RAC3: variants seen among roughly 807,000 people sequenced by gnomAD.
The protein encoded by RAC3 is ras-related C3 botulinum toxin substrate 3.
RAC3 carries 9 observed loss-of-function variants against 19.0 expected under a neutral mutation model. The ratio of observed to expected loss-of-function variants is 0.47; its 90% CI spans 0.29 to 0.83. The LOEUF (loss-of-function observed/expected upper bound fraction) is 0.83. Among genes scored for constraint, RAC3 ranks in the 40% least tolerant of loss-of-function variants. RAC3 has a pLI of 0.09. For synonymous variants in RAC3, 146 were observed against 111.8 expected (o/e 1.31, Z -1.93); for missense variants, 203 against 260.8 (o/e 0.78, Z 1.53).
chr17:82,032,633 C>G, intron 2 of RAC3, 78 bp from the exon 3 acceptor site: 1 of 1,486,032 alleles, frequency 6.7e-7, no homozygotes, highest in Non-Finnish European at 9.4e-7. Flanking sequence ...GACTTGTGAA[C>G]CCCAAGACAC....
chr17:82,031,819 G>A (rs1278296475), intron 1 of RAC3, 23 bp downstream of exon 1: 11 of 967,636 alleles, frequency 1.1e-5, no homozygotes, highest in Non-Finnish European at 1.4e-5. Flanking sequence ...CCCGGAGGCC[G>A]CTTGGCTGGG....
chr17:82,031,907 G>A (rs1466339610), intron 1 of RAC3, 111 bp downstream of exon 1: 2 of 504,158 alleles, frequency 4.0e-6, no homozygotes, highest in Non-Finnish European at 4.9e-6. Context: ...TCGCGAGGCG[G>A]CCCCGCCGTA....
intron 1 of RAC3, 28 bp from the exon 2 acceptor site, chr17:82,032,359 G>A: frequency 6.2e-7 from 1 of 1,611,354 alleles, no homozygotes. Context: ...GCCGGGCCCG[G>A]GAGCCACGTG....
rs1568019126 is a variant in RAC3 at position 82,033,056 on chromosome 17, A to ACCTGCC, written c.288+50_288+55dup. On this transcript the variant is annotated intron_variant, in intron 4 of 5. Transcript: ENST00000306897. This position sits in a 1 kb window ranked among gnomAD's most constrained non-coding sequence, Gnocchi z 6.2. ...CTGTGGGGAGAGGGCTTGCCCCAGT[A>ACCTGCC]CCTGCCCCGACAAGTTGTCCTTTAG... The ACCTGCC allele has an allele frequency of 1.3e-6, 2 of 1,552,858 alleles. No individual in the cohort carries two copies. The highest frequency in any genetic ancestry group is 2.2e-5 in the South Asian group (2 of 89,774).
chr17:82,033,474 C>A lies in RAC3; in HGVS notation c.323C>A (p.Thr108Lys), dbSNP rs765128571. The change falls in exon 5 of 6, where the codon ACG (threonine) becomes AAG (lysine). Residue 108 changes from threonine to lysine, a missense_variant. Transcript: ENST00000306897. This position sits in a 1 kb window ranked among gnomAD's most constrained non-coding sequence, Gnocchi z 6.2. ...YPEVRHHCPHTPILLVGTKLD... is the reference protein window; with the variant it reads ...YPEVRHHCPHKPILLVGTKLD... ...GAGGTGCGGCACCACTGCCCCCACA[C>A]GCCCATCCTCCTGGTGGGCACCAAG... The A allele has an allele frequency of 6.2e-7, 1 of 1,611,688 alleles. No homozygotes were observed. Among genetic ancestry groups the A allele is most frequent in the Non-Finnish European group, 8.5e-7 (1 of 1,179,232 alleles).
chr17:82,033,929 G>A lies in RAC3; in HGVS notation c.*100G>A, dbSNP rs981475361. 38 of 1,448,816 alleles carry A rather than the reference G, an allele frequency of 2.6e-5. No homozygotes were observed. The highest frequency in any genetic ancestry group is 3.2e-5 in the Non-Finnish European group (35 of 1,084,616). The allele number at this position is 1,448,816 out of a possible 1,614,324, so 89.7% of individuals were successfully genotyped here. A position where few individuals can be genotyped will look rare whatever the true frequency, so the allele number is the denominator to read the frequency against. ...GGTGTCCCTGAGTCGGCTGTGGGGA[G>A]CGGTGGGGGTGGGCCGGGGGGAAGC... On this transcript the variant is annotated 3_prime_UTR_variant, in exon 6 of 6. Transcript: ENST00000306897. This position sits in a 1 kb window ranked among gnomAD's most constrained non-coding sequence, Gnocchi z 6.2.
chr17:82,031,925 C>A (rs1472069671), intron 1 of RAC3, 129 bp downstream of exon 1: 2 of 228,390 alleles, frequency 8.8e-6, no homozygotes, highest in African/African-American at 2.7e-5. Context: ...GTACCCCGCC[C>A]GAGCCGCGTG....
Position 82,033,091 on chromosome 17 carries a change from C to A in RAC3, c.288+82C>A. On this transcript the variant is annotated intron_variant, in intron 4 of 5. Transcript: ENST00000306897. This position sits in a 1 kb window ranked among gnomAD's most constrained non-coding sequence, Gnocchi z 6.2. ...ACAAGTTGTCCTTTAGAGGCAATTG[C>A]GATACGGGTTCTGCCTGGGGTAGGC... 1.5e-6 allele frequency: 2 copies of A among 1,310,956 alleles called. No individual in the cohort carries two copies. The highest frequency in any genetic ancestry group is 2.4e-5 in the South Asian group (2 of 83,054). 81.2% of individuals were successfully genotyped at this position (1,310,956 alleles called of 1,614,324 possible).
chr17:82,033,289 C>A lies in RAC3; in HGVS notation c.289-151C>A. ...CTGCGTGTTTGTTCCTGGTATCTCC[C>A]CACCAAATCCGCCCCTGGTCACCCC... is the stretch of plus-strand genomic sequence containing the variant. On this transcript the variant is annotated intron_variant, in intron 4 of 5. Coordinates refer to ENST00000306897, the MANE Select transcript of RAC3 (RefSeq NM_005052.3). This position sits in a 1 kb window ranked among gnomAD's most constrained non-coding sequence, Gnocchi z 6.2. 1 of 1,017,038 alleles carries A rather than the reference C, an allele frequency of 9.8e-7. No homozygotes were observed. The highest frequency in any genetic ancestry group is 1.4e-6 in the Non-Finnish European group (1 of 717,316). 63.0% of individuals were successfully genotyped at this position (1,017,038 alleles called of 1,614,324 possible). A position where few individuals can be genotyped will look rare whatever the true frequency, so the allele number is the denominator to read the frequency against.
intron 1 of RAC3, 185 bp from the exon 2 acceptor site, chr17:82,032,202 C>T (rs545248662): frequency 9.8e-6 from 6 of 609,260 alleles, no homozygotes; most frequent in East Asian, 8.4e-5. Flanking sequence ...ACCACCCCAG[C>T]CCCCGGAGCC....
chr17:82,033,118 C>A lies in RAC3; in HGVS notation c.288+109C>A. ...ATACGGGTTCTGCCTGGGGTAGGCA[C>A]ACGGAGTGGGGTCTGAAGATGACCA... On this transcript the variant is annotated intron_variant, in intron 4 of 5. Coordinates refer to ENST00000306897, the MANE Select transcript of RAC3 (RefSeq NM_005052.3). The surrounding 1 kb of genome is among the most constrained non-coding windows in gnomAD (Gnocchi z 6.2). The A allele has an allele frequency of 8.0e-7, 1 of 1,254,632 alleles. No homozygotes were observed. The highest frequency in any genetic ancestry group is 1.1e-6 in the Non-Finnish European group (1 of 873,930). 77.7% of individuals were successfully genotyped at this position (1,254,632 alleles called of 1,614,324 possible).
At position 82,031,727 on chromosome 17, in the gene RAC3, T is replaced by C; in HGVS notation, c.-35T>C. ...GCCGGGCATTTCTCCGCAGCTCGGC[T>C]CGCGGCCGCGCCCGCCGCCGCCCGG... On this transcript the variant is annotated 5_prime_UTR_variant, in exon 1 of 6. Transcript: ENST00000306897. 1.0e-6 allele frequency: 1 copy of C among 984,814 alleles called. No homozygotes were observed. The highest frequency in any genetic ancestry group is 1.2e-6 in the Non-Finnish European group (1 of 831,520). 61.0% of individuals were successfully genotyped at this position (984,814 alleles called of 1,614,324 possible).
chr17:82,031,945 G>T (rs1179581478), intron 1 of RAC3, 149 bp downstream of exon 1: 1 of 178,942 alleles, frequency 5.6e-6, no homozygotes, highest in East Asian at 1.9e-4. Flanking sequence ...GCGCCCCGGG[G>T]TCGAGGAGGG....
chr17:82,034,034 C>A lies in RAC3; in HGVS notation c.*205C>A. On this transcript the variant is annotated 3_prime_UTR_variant, in exon 6 of 6. Transcript: ENST00000306897. ...GTGTGGCTCCAGCCTTCCCTGGCCC[C>A]CGCCGGAGGCCGGGAGGGAGCAGGG... is the stretch of plus-strand genomic sequence containing the variant. 1 of 555,856 alleles carries A rather than the reference C, an allele frequency of 1.8e-6. No homozygotes were observed. 34.4% of individuals were successfully genotyped at this position (555,856 alleles called of 1,614,324 possible). A position where few individuals can be genotyped will look rare whatever the true frequency, so the allele number is the denominator to read the frequency against.
At position 82,034,202 on chromosome 17, in the gene RAC3, A is replaced by G. The variant is rs151163772; in HGVS notation, c.*373A>G. 492 of 187,554 alleles carry G rather than the reference A, an allele frequency of 2.6e-3. 2 individuals are homozygous for G. The highest frequency in any genetic ancestry group is 0.011 in the African/African-American group (462 of 42,262). 11.6% of individuals were successfully genotyped at this position (187,554 alleles called of 1,614,324 possible). The stretch of plus-strand genomic sequence containing the variant: ...TTTATACAATAAACATTCTCCACCT[A>G]CACCTCTTGCCTCTCACTACCTGCC... On this transcript the variant is annotated 3_prime_UTR_variant, in exon 6 of 6. Transcript: ENST00000306897.
Position 82,032,928 on chromosome 17 carries a change from G to T in RAC3, c.226-19G>T. Reference sequence around the variant, plus strand: ...GGGGAGCCCCTGACCACTCCACCAGGTCCCACCTTTTTCCCAAGGACGTCT... The same window carrying T: ...GGGGAGCCCCTGACCACTCCACCAGTTCCCACCTTTTTCCCAAGGACGTCT... On this transcript the variant is annotated intron_variant, in intron 3 of 5. Transcript: ENST00000306897. The T allele has an allele frequency of 2.5e-6, 4 of 1,613,322 alleles. No homozygotes were observed. Among genetic ancestry groups the T allele is most frequent in the Non-Finnish European group, 2.5e-6 (3 of 1,179,668 alleles).
rs2043456019 is a variant in RAC3, at chr17:82,033,748, G to C, written c.498G>C (p.Lys166Asn). The part of the protein sequence containing the change: ...ECSALTQRGL[K>N]TVFDEAIRAV... ...CAGCCCTGACCCAGCGGGGCCTGAAGACAGTGTTTGACGAGGCGATCCGCG... is the reference window on the plus strand; with the variant it reads ...CAGCCCTGACCCAGCGGGGCCTGAACACAGTGTTTGACGAGGCGATCCGCG... The change falls in exon 6 of 6, where the codon AAG becomes AAC. Residue 166 changes from lysine (K) to asparagine (N), a missense_variant. Lys to Asn is a moderately conservative substitution (Grantham distance 94). Around this residue, in one of 3 missense-constraint regions of RAC3, gnomAD observed 142 missense variants for 158.2 expected, o/e 0.90. Coordinates refer to ENST00000306897, the MANE Select transcript of RAC3 (RefSeq NM_005052.3). The surrounding 1 kb of genome is among the most constrained non-coding windows in gnomAD (Gnocchi z 6.2). 1 of 1,612,960 alleles carries C rather than the reference G, an allele frequency of 6.2e-7. No individual in the cohort carries two copies. Among genetic ancestry groups the C allele is most frequent in the South Asian group, 1.1e-5 (1 of 91,084 alleles).
chr17:82,033,804 C>T lies in RAC3; in HGVS notation c.554C>T (p.Pro185Leu), dbSNP rs760585885. ...CTCTGCCCGCCCCCAGTGAAGAAGC[C>T]GGGGAAGAAGTGCACCGTCTTCTAG... ...AVLCPPPVKKPGKKCTVF is the reference protein window; with the variant it reads ...AVLCPPPVKKLGKKCTVF Residue 185 changes from proline to leucine, a missense_variant, in exon 6 of 6, where the codon CCG (proline) becomes CTG (leucine). Coordinates refer to ENST00000306897, the MANE Select transcript of RAC3 (RefSeq NM_005052.3). This position sits in a 1 kb window ranked among gnomAD's most constrained non-coding sequence, Gnocchi z 6.2. The T allele has an allele frequency of 1.3e-5, 21 of 1,608,464 alleles. No individual in the cohort carries two copies. Among genetic ancestry groups the T allele is most frequent in the South Asian group, 1.2e-4 (11 of 90,562 alleles).
chr17:82,031,745 CCG>C lies in RAC3; in HGVS notation c.-15_-14del. 1 of 994,320 alleles carries C rather than the reference CCG, an allele frequency of 1.0e-6. No homozygotes were observed. Among genetic ancestry groups the C allele is most frequent in the Non-Finnish European group, 1.2e-6 (1 of 837,962 alleles). 61.6% of individuals were successfully genotyped at this position (994,320 alleles called of 1,614,324 possible). On this transcript the variant is annotated 5_prime_UTR_variant, in exon 1 of 6. Coordinates refer to ENST00000306897, the MANE Select transcript of RAC3 (RefSeq NM_005052.3). ...GCTCGGCTCGCGGCCGCGCCCGCCGCCGCCCGGCCCGCGCCCATGCAGGCCAT... is the reference window on the plus strand; with the variant it reads ...GCTCGGCTCGCGGCCGCGCCCGCCGCCCCGGCCCGCGCCCATGCAGGCCAT...
Sources: allele counts gnomAD v4.1 joint callset, GRCh38; gene constraint gnomAD v4.1.1; regional missense constraint gnomAD v4.1.1; non-coding constraint Gnocchi (gnomAD v3.1); transcripts MANE v1.5; gene names NCBI Gene and HGNC (gene_info 2026-07-23, HGNC 2026-07-21).